Variants in RPL34 observed in about 807,000 individuals in gnomAD.
RPL34 encodes ribosomal protein L34.
In RPL34, 2 loss-of-function variants were observed where a neutral mutation model predicts 16.3. The ratio of observed to expected loss-of-function variants is 0.12; its 90% CI spans 0.05 to 0.39. RPL34 has a LOEUF of 0.39. Among genes scored for constraint, RPL34 ranks in the 10% least tolerant of loss-of-function variants. The pLI is 0.99. For missense variants in RPL34, 82 were observed against 148.8 expected (o/e 0.55, Z 2.33); for synonymous variants, 47 against 48.5 (o/e 0.97, Z 0.13).
downstream of RPL34, among the ~76,000 whole-genome samples, chr4:108,626,523 A>T (rs1289043241): frequency 7.9e-6 from 1 of 126,384 alleles, no homozygotes; most frequent in Non-Finnish European, 1.6e-5. Flanking sequence ...ATTTCGGCTC[A>T]CTGCAACCTC....
At chr4:108,627,195 C>T (rs571760201), downstream of RPL34, among the ~76,000 whole-genome samples, 2 of 151,882 alleles carry the variant, frequency 1.3e-5, no homozygotes, top group Non-Finnish European at 2.9e-5. Context: ...GCCAAGATCG[C>T]GCCACTGTAC....
downstream of RPL34, among the ~76,000 whole-genome samples, chr4:108,627,818 C>T (rs1298501777): frequency 6.6e-6 from 1 of 151,104 alleles, no homozygotes; most frequent in Non-Finnish European, 1.5e-5. Flanking sequence ...GCCGAGATTG[C>T]ACCACTGCAC....
At chr4:108,625,080 A>G (rs1348640115) in intron 4 of RPL34, 48 bp from the exon 5 acceptor site, 2 of 1,336,990 alleles carry the variant, frequency 1.5e-6, no homozygotes, top group Admixed American at 1.8e-5. Context: ...TAAATAAAAA[A>G]TGAAGTTCAT....
At chr4:108,621,396 G>C (rs991882939) in intron 1 of RPL34, 1 of 156,304 alleles carries the variant, frequency 6.4e-6, no homozygotes, top group Non-Finnish European at 1.4e-5. Flanking sequence ...TAGTATTAAA[G>C]GGTATGCCTT....
At chr4:108,626,347 T>C (rs1205757507), downstream of RPL34, among the ~76,000 whole-genome samples, 2 of 151,532 alleles carry the variant, frequency 1.3e-5, no homozygotes, top group African/African-American at 2.4e-5. Flanking sequence ...TAGGCTGGTC[T>C]CAAAACTCCT....
At chr4:108,622,389 C>T in intron 3 of RPL34, 126 bp from the exon 4 acceptor site, 1 of 817,994 alleles carries the variant, frequency 1.2e-6, no homozygotes, top group Admixed American at 2.3e-5. Flanking sequence ...CAGTGAAATG[C>T]CTTTCAGATA....
chr4:108,630,422 C>T (rs1435122311), downstream of RPL34: 2 of 152,100 alleles, frequency 1.3e-5, no homozygotes, highest in Non-Finnish European at 2.9e-5. Flanking sequence ...ATCCAGTTCT[C>T]TATGTGACCA....
rs750567881 is a variant in RPL34, at chr4:108,625,223, CTT to C, written c.*16_*17del. Reference sequence around the variant, plus strand: ...CAGAAAGCTAAATAAAAAAATGAAACTTTTTTGAGTAATAAAAATGAAAAGAC... The same window carrying C: ...CAGAAAGCTAAATAAAAAAATGAAACTTTTGAGTAATAAAAATGAAAAGAC... On this transcript the variant is annotated 3_prime_UTR_variant, in exon 5 of 5. Coordinates refer to ENST00000394667, the MANE Select transcript of RPL34 (RefSeq NM_001319236.2). The C allele has an allele frequency of 3.3e-6, 5 of 1,536,754 alleles. No individual in the cohort carries two copies. The highest frequency in any genetic ancestry group is 2.2e-5 in the East Asian group (1 of 44,472).
At chr4:108,621,545 C>T (rs531301735) in intron 1 of RPL34, 23 of 222,396 alleles carry the variant, frequency 1.0e-4, no homozygotes, top group Non-Finnish European at 1.8e-4. Context: ...GATAAGGAGG[C>T]TAGCTCCTTG....
chr4:108,630,138 T>C (rs1726127610), downstream of RPL34: 1 of 152,152 alleles, frequency 6.6e-6, no homozygotes, highest in Non-Finnish European at 1.5e-5. Flanking sequence ...TTGAGATTGT[T>C]ATGGTGAGAG....
chr4:108,621,688 A>G (rs1725781699), intron 1 of RPL34: 2 of 381,092 alleles, frequency 5.2e-6, no homozygotes, highest in Admixed American at 3.8e-5. Context: ...AAACAAAATT[A>G]GACTCTGAGT....
At chr4:108,626,502 G>A (rs1578325398), downstream of RPL34, among the ~76,000 whole-genome samples, 3 of 145,462 alleles carry the variant, frequency 2.1e-5, no homozygotes, top group Middle Eastern at 7.4e-3. Context: ...AGGCTGGAGC[G>A]TACTGGCTCG....
chr4:108,625,265 T>C lies in RPL34; in HGVS notation c.*53T>C, dbSNP rs932024195. On this transcript the variant is annotated 3_prime_UTR_variant, in exon 5 of 5. Coordinates refer to ENST00000394667, the MANE Select transcript of RPL34 (RefSeq NM_001319236.2). ...AATGAAAAGACGCTGTATGTATGAC[T>C]TTTTTTTTTTCTGTTGTAATGTGTT... 3.3e-5 allele frequency: 22 copies of C among 662,826 alleles called. No individual in the cohort carries two copies. The highest frequency in any genetic ancestry group is 5.1e-5 in the Non-Finnish European group (22 of 435,384). The allele number at this position is 662,826 out of a possible 1,614,324, so 41.1% of individuals were successfully genotyped here.
chr4:108,627,268 A>T (rs2110368391), downstream of RPL34, among the ~76,000 whole-genome samples: 2 of 152,100 alleles, frequency 1.3e-5, no homozygotes, highest in East Asian at 3.9e-4. Context: ...CTTAGGCCAG[A>T]CCCAGTGGCT....
intron 4 of RPL34, chr4:108,622,946 C>A (rs1560612965): frequency 4.9e-6 from 1 of 206,026 alleles, no homozygotes; most frequent in African/African-American, 2.3e-5. Flanking sequence ...TGTGTATTCT[C>A]ATGTGCGGAA....
At chr4:108,627,062 ACC>A (rs1172135116), downstream of RPL34, among the ~76,000 whole-genome samples, 2 of 151,908 alleles carry the variant, frequency 1.3e-5, no homozygotes, top group Non-Finnish European at 2.9e-5. Flanking sequence ...GCACGGTGAA[ACC>A]CCGTCTGTAC....
At chr4:108,622,067 C>G (rs776344531) in intron 2 of RPL34, 38 bp from the exon 3 acceptor site, 2 of 1,591,874 alleles carry the variant, frequency 1.3e-6, no homozygotes, top group African/African-American at 1.3e-5. Flanking sequence ...GTCATTTACT[C>G]TACAAAATGC....
downstream of RPL34, among the ~76,000 whole-genome samples, chr4:108,626,180 C>T (rs189775329): frequency 6.6e-6 from 1 of 152,312 alleles, no homozygotes; most frequent in Admixed American, 6.5e-5. Context: ...TTCACTCCTG[C>T]TGCCCAGCCT....
chr4:108,621,218 G>A (rs1372162764), intron 1 of RPL34: 2 of 152,248 alleles, frequency 1.3e-5, no homozygotes, highest in Non-Finnish European at 2.9e-5. Context: ...GGAATGGGAA[G>A]ATTAAATTAG....
Sources: allele counts gnomAD v4.1 joint callset (sites outside exome capture counted in the v4.1 genomes callset), GRCh38; gene constraint gnomAD v4.1.1; transcripts MANE v1.5; gene names NCBI Gene and HGNC (gene_info 2026-07-23, HGNC 2026-07-21).